The following USP34 variants were observed in gnomAD, a reference collection of about 807,000 sequenced individuals.
USP34 encodes the protein ubiquitin specific peptidase 34.
USP34 carries 70 observed loss-of-function variants against 460.3 expected under a neutral mutation model. The ratio of observed to expected loss-of-function variants is 0.15; its 90% confidence interval spans 0.13 to 0.19. The LOEUF is 0.19. Ranked by LOEUF, USP34 falls within the 10% of genes least tolerant of loss-of-function variation. The probability of loss-of-function intolerance (pLI) is 1.00; values close to 1 mark genes in which losing one functional copy is unlikely to be tolerated. For missense variants in USP34, 3,985 were observed against 4,236.2 expected (o/e 0.94, Z 1.65); for synonymous variants, 1,647 against 1,405.3 (o/e 1.17, Z -3.85).
chr2:61,248,403 G>T (rs1354590977), intron 49 of USP34, 108 bp downstream of exon 49: 2 of 1,121,932 alleles, frequency 1.8e-6, no homozygotes, highest in East Asian at 4.9e-5. Flanking sequence ...TCCCTTCTAA[G>T]ATTCAATTTT....
chr2:61,227,845 T>C (rs185573187), intron 61 of USP34, among the ~76,000 whole-genome samples: 25 of 152,276 alleles, frequency 1.6e-4, no homozygotes, highest in Admixed American at 3.3e-4. Flanking sequence ...CGATAAAAAT[T>C]GCAAGTATGA....
At chr2:61,370,634 G>T in intron 8 of USP34, 55 bp from the exon 9 acceptor site, 1 of 1,519,898 alleles carries the variant, frequency 6.6e-7, no homozygotes, top group Non-Finnish European at 9.0e-7. Flanking sequence ...CTTTTCTCAT[G>T]TCTAAAAGGT....
At chr2:61,319,927 T>A (rs1373702270) in intron 21 of USP34, among the ~76,000 whole-genome samples, 3 of 152,236 alleles carry the variant, frequency 2.0e-5, no homozygotes, top group Non-Finnish European at 4.4e-5. Flanking sequence ...ATGTGAGCTA[T>A]ATATACATTT....
intron 62 of USP34, chr2:61,226,863 T>C (rs1309783480): frequency 1.8e-6 from 1 of 561,710 alleles, no homozygotes; most frequent in African/African-American, 2.0e-5. Flanking sequence ...AAAAGTTTGG[T>C]AGAAAAAACT....
At chr2:61,369,960 AATC>A (rs918123517) in intron 10 of USP34, among the ~76,000 whole-genome samples, 2 of 149,258 alleles carry the variant, frequency 1.3e-5, no homozygotes, top group African/African-American at 5.0e-5. Flanking sequence ...TGGAATTTTG[AATC>A]ATGTGGATAT....
intron 16 of USP34, among the ~76,000 whole-genome samples, chr2:61,342,122 T>C (rs778516320): frequency 2.7e-4 from 41 of 152,190 alleles, no homozygotes; most frequent in Middle Eastern, 3.4e-3. Context: ...GATTATATTT[T>C]ATGTTCAACA....
At chr2:61,264,728 AAT>A in intron 43 of USP34, among the ~76,000 whole-genome samples, 1 of 152,294 alleles carries the variant, frequency 6.6e-6, no homozygotes, top group East Asian at 1.9e-4. Context: ...CAAACTAAAA[AAT>A]AGCCCATAGT....
At chr2:61,331,167 TTC>T (rs1691249286) in intron 20 of USP34, 107 bp downstream of exon 20, 1 of 914,626 alleles carries the variant, frequency 1.1e-6, no homozygotes, top group Non-Finnish European at 1.6e-6. Flanking sequence ...AAATAAAGTT[TTC>T]TGTTACAATT....
chr2:61,456,530 A>G (rs1034538948), intron 1 of USP34, among the ~76,000 whole-genome samples: 2 of 152,174 alleles, frequency 1.3e-5, no homozygotes, highest in Admixed American at 6.6e-5. Flanking sequence ...AAAATGGTGC[A>G]GTAGTGCTGG....
chr2:61,363,711 T>A (rs924766181), intron 10 of USP34, among the ~76,000 whole-genome samples: 1 of 152,174 alleles, frequency 6.6e-6, no homozygotes, highest in Non-Finnish European at 1.5e-5. Context: ...TGACTGTATA[T>A]ACAAAATAAC....
chr2:61,352,116 C>T (rs1196731817), intron 10 of USP34, among the ~76,000 whole-genome samples: 1 of 152,064 alleles, frequency 6.6e-6, no homozygotes, highest in Non-Finnish European at 1.5e-5. Context: ...AATCCAAAAT[C>T]TTAAATGTTC....
chr2:61,453,684 C>A (rs1418075897), intron 1 of USP34, among the ~76,000 whole-genome samples: 1 of 133,752 alleles, frequency 7.5e-6, no homozygotes, highest in African/African-American at 2.9e-5. Flanking sequence ...CACTGCACTC[C>A]AGCCCAAGCA....
chr2:61,206,914 CTT>C (rs2103776194), intron 70 of USP34, 28 bp from the exon 71 acceptor site: 1 of 1,605,772 alleles, frequency 6.2e-7, no homozygotes, highest in Non-Finnish European at 8.5e-7. Context: ...AAATTGAAAA[CTT>C]AATTTCATTT....
intron 1 of USP34, among the ~76,000 whole-genome samples, chr2:61,470,087 C>G (rs190821651): frequency 6.6e-4 from 100 of 152,340 alleles, no homozygotes; most frequent in Non-Finnish European, 1.1e-3. Context: ...AGGTTCCAAT[C>G]ATCACTATCA....
At chr2:61,240,502 T>G (rs543707995) in intron 53 of USP34, among the ~76,000 whole-genome samples, 1 of 152,138 alleles carries the variant, frequency 6.6e-6, no homozygotes, top group South Asian at 2.1e-4. Flanking sequence ...ATGGTCTCAA[T>G]CTCCGGACCT....
At chr2:61,331,675 C>T (rs1249219520) in intron 19 of USP34, among the ~76,000 whole-genome samples, 3 of 151,888 alleles carry the variant, frequency 2.0e-5, no homozygotes, top group Non-Finnish European at 4.4e-5. Context: ...TAAGAATATA[C>T]TATGTGCTTT....
At chr2:61,403,463 T>C (rs1332455986) in intron 3 of USP34, among the ~76,000 whole-genome samples, 3 of 152,156 alleles carry the variant, frequency 2.0e-5, no homozygotes, top group Non-Finnish European at 4.4e-5. Context: ...TAAAGCACTA[T>C]GTAGATGGTG....
intron 72 of USP34, among the ~76,000 whole-genome samples, chr2:61,205,358 T>C (rs1572834022): frequency 6.6e-6 from 1 of 152,182 alleles, no homozygotes; most frequent in African/African-American, 2.4e-5. Flanking sequence ...CAGTTTCTGG[T>C]GATCATAGGT....
intron 27 of USP34, among the ~76,000 whole-genome samples, chr2:61,310,144 G>C (rs1690542453): frequency 6.6e-6 from 1 of 152,136 alleles, no homozygotes; most frequent in Admixed American, 6.6e-5. Context: ...TCTTAATCTG[G>C]ATGGTAGGTA....
Sources: allele counts gnomAD v4.1 joint callset (sites outside exome capture counted in the v4.1 genomes callset), GRCh38; gene constraint gnomAD v4.1.1; transcripts MANE v1.5; gene names NCBI Gene and HGNC (gene_info 2026-07-23, HGNC 2026-07-21).